PIPOX: variants seen among roughly 807,000 people sequenced by gnomAD.
PIPOX encodes the protein peroxisomal sarcosine oxidase.
Under a neutral mutation model 47.9 loss-of-function variants are expected in PIPOX, and 45 were observed. The ratio of observed to expected loss-of-function variants is 0.94; its 90% CI spans 0.74 to 1.20. The LOEUF (loss-of-function observed/expected upper bound fraction) is 1.20, where lower values mean the gene tolerates loss of function less well. PIPOX is among the 50% of genes most tolerant of loss of function. The probability of loss-of-function intolerance (pLI) is 0.00; values close to 1 mark genes in which losing one functional copy is unlikely to be tolerated. For missense variants in PIPOX, 458 were observed against 498.4 expected, an observed-to-expected ratio of 0.92 and a Z score of 0.77; for synonymous variants, 165 against 191.3, an observed-to-expected ratio of 0.86 and a Z score of 1.13.
intron 7 of PIPOX, 25 bp from the exon 8 acceptor site, chr17:29,056,150 T>C (rs1483611257): frequency 6.2e-7 from 1 of 1,613,756 alleles, no homozygotes; most frequent in Non-Finnish European, 8.5e-7. Context: ...TGAAGCTGCC[T>C]GAGAGTCTGC....
In PIPOX at chr17:29,054,651, T is replaced by C. The variant is rs1253106469; in HGVS notation, c.767T>C (p.Ile256Thr). 1 of 1,614,180 alleles carries C rather than the reference T, an allele frequency of 6.2e-7. No homozygotes were observed. Among genetic ancestry groups the C allele is most frequent in the Non-Finnish European group, 8.5e-7 (1 of 1,180,022 alleles). ...TGGCTGGGCTTGTGTCCCCACCACA[T>C]CTACGGACTGCCCACAGGAGAGTAC... ...FLWLGLCPHHIYGLPTGEYPG... is the reference protein window; with the variant it reads ...FLWLGLCPHHTYGLPTGEYPG... Residue 256 changes from isoleucine to threonine, a missense_variant, in exon 5 of 8, where the codon ATC (isoleucine) becomes ACC (threonine). Physicochemically the swap from Ile to Thr is moderately conservative, Grantham distance 89. Transcript: ENST00000323372.
chr17:29,045,170 C>T (rs765328825), intron 2 of PIPOX, among the ~76,000 whole-genome samples, 163 bp downstream of exon 2: 2 of 152,192 alleles, frequency 1.3e-5, no homozygotes, highest in Non-Finnish European at 2.9e-5. Context: ...ATGGTGGTCA[C>T]CCCACAGGTC....
At position 29,052,948 on chromosome 17, in the gene PIPOX, A is replaced by G. The variant is rs371667249; in HGVS notation, c.292A>G (p.Lys98Glu). 80 of 1,614,094 alleles carry G rather than the reference A, an allele frequency of 5.0e-5. 1 individual carries two copies. The highest frequency in any genetic ancestry group is 6.4e-5 in the Non-Finnish European group (75 of 1,180,032). Residue 98 changes from lysine (K) to glutamate (E), a missense_variant, in exon 3 of 8, where the codon AAA becomes GAA. Physicochemically the swap from Lys to Glu is moderately conservative, Grantham distance 56. Coordinates refer to ENST00000323372, the MANE Select transcript of PIPOX (RefSeq NM_016518.3). ...GACTGGATTACTGCTGCTGGGAATGAAAGAGAATCAAGAATTAAAGACAAT... is the reference window on the plus strand; with the variant it reads ...GACTGGATTACTGCTGCTGGGAATGGAAGAGAATCAAGAATTAAAGACAAT... ...RQTGLLLLGM[K>E]ENQELKTIQA...
At chr17:29,046,743 G>A in intron 2 of PIPOX, 1 of 985,316 alleles carries the variant, frequency 1.0e-6, no homozygotes, top group Middle Eastern at 5.2e-4. Flanking sequence ...CCTCCTCTTT[G>A]CCAGGAGGAC....
rs766457432 is a variant in PIPOX, at chr17:29,053,170, C to A, written c.477+37C>A. On this transcript the variant is annotated intron_variant, in intron 3 of 7. Coordinates refer to ENST00000323372, the MANE Select transcript of PIPOX (RefSeq NM_016518.3). ...TAGCACTGGGGCGATGCAGGTGCTC[C>A]CTGCTCTGGGTGTCCTGGGTCCCAA... The A allele has an allele frequency of 2.5e-6, 4 of 1,572,124 alleles. 1 individual carries two copies. In the African/African-American group the frequency reaches 4.1e-5, roughly 16 times the overall value.
Position 29,053,130 on chromosome 17 carries a change from G to A in PIPOX, c.474G>A (p.Leu158=). ...VIYAYKALRA[L]QDAIRQLGGI... ...ATGCATATAAGGCCCTCAGAGCCCT[G>A]CAGGTAATGTCGTATAGCACTGGGG... The change falls in exon 3 of 8, where the codon CTG becomes CTA. Residue 158 remains leucine (L), a synonymous_variant. Coordinates refer to ENST00000323372, the MANE Select transcript of PIPOX (RefSeq NM_016518.3). The A allele has an allele frequency of 6.2e-7, 1 of 1,613,726 alleles. No individual in the cohort carries two copies. Among genetic ancestry groups the A allele is most frequent in the Non-Finnish European group, 8.5e-7 (1 of 1,179,720 alleles).
intron 5 of PIPOX, 22 bp downstream of exon 5, chr17:29,054,713 A>C: frequency 6.2e-7 from 1 of 1,610,398 alleles, no homozygotes; most frequent in Non-Finnish European, 8.5e-7. Context: ...GACCGAGATA[A>C]GGCAGGTAGA....
chr17:29,051,086 A>T (rs370973160), intron 2 of PIPOX, among the ~76,000 whole-genome samples: 1 of 151,950 alleles, frequency 6.6e-6, no homozygotes, highest in East Asian at 1.9e-4. Context: ...GCACCACTGC[A>T]CTCCAGCCTG....
intron 1 of PIPOX, 45 bp downstream of exon 1, chr17:29,043,384 C>A: frequency 7.2e-7 from 1 of 1,382,794 alleles, no homozygotes; most frequent in Non-Finnish European, 1.0e-6. Context: ...ACTGTCCTAC[C>A]CTCCTCCCCT....
At chr17:29,055,940 GC>G in intron 7 of PIPOX, 52 bp downstream of exon 7, 1 of 1,506,480 alleles carries the variant, frequency 6.6e-7, no homozygotes, top group Non-Finnish European at 9.2e-7. Flanking sequence ...CTACCTCAGT[GC>G]CAGGTGAAAT....
intron 2 of PIPOX, chr17:29,052,125 C>A: frequency 2.2e-6 from 1 of 445,176 alleles, no homozygotes. Context: ...GAATGAGAGA[C>A]AGAGACAGAC....
intron 1 of PIPOX, 41 bp from the exon 2 acceptor site, chr17:29,044,818 G>C (rs751089483): frequency 1.3e-6 from 2 of 1,584,786 alleles, no homozygotes; most frequent in Admixed American, 3.5e-5. Flanking sequence ...GCAGTGTGAG[G>C]GGTAATGGCT....
rs373640176 is a variant in PIPOX at position 29,043,214 on chromosome 17, C to T, written c.-12C>T. The T allele has an allele frequency of 7.8e-5, 125 of 1,599,744 alleles. No individual in the cohort carries two copies. In the Middle Eastern group the frequency reaches 1.0e-3, roughly 13 times the overall value. ...CCTTTGAGGCTCTGTGGCTGTGGGGCTGAGTGGCATCATGGCGGCTCAGAA... is the reference window on the plus strand; with the variant it reads ...CCTTTGAGGCTCTGTGGCTGTGGGGTTGAGTGGCATCATGGCGGCTCAGAA... On this transcript the variant is annotated 5_prime_UTR_variant, in exon 1 of 8. Transcript: ENST00000323372.
In PIPOX at chr17:29,056,306, C is replaced by T. The variant is rs574544512; in HGVS notation, c.*1C>T. 1.9e-6 allele frequency: 3 copies of T among 1,614,202 alleles called. No individual in the cohort carries two copies. Among genetic ancestry groups the T allele is most frequent in the East Asian group, 2.2e-5 (1 of 44,884 alleles). On this transcript the variant is annotated 3_prime_UTR_variant, in exon 8 of 8. Transcript: ENST00000323372. The stretch of plus-strand genomic sequence containing the variant: ...AAGCCTGGGCAAAGCCCACCTTTGA[C>T]CTCTGGCCAGAAGCCTCCCTTCTGT...
Position 29,056,189 on chromosome 17 carries a change from C to T in PIPOX, c.1057C>T (p.Leu353=). 1 of 1,614,188 alleles carries T rather than the reference C, an allele frequency of 6.2e-7. No individual in the cohort carries two copies. Among genetic ancestry groups the T allele is most frequent in the Non-Finnish European group, 8.5e-7 (1 of 1,180,016 alleles). Residue 353 remains leucine (L), a synonymous_variant, in exon 8 of 8, where the codon CTG becomes TTG. Transcript: ENST00000323372. ...TCCCTTCCTAGGGCACGGGTTCAAG[C>T]TGGCCCCTGTGGTGGGGAAGATCCT... ...GAGFSGHGFK[L]APVVGKILYE... is the part of the protein sequence containing the mutation.
intron 2 of PIPOX, among the ~76,000 whole-genome samples, chr17:29,049,745 G>A (rs967996340): frequency 3.3e-5 from 5 of 152,170 alleles, no homozygotes; most frequent in African/African-American, 9.7e-5. Flanking sequence ...AGCAGCGCAC[G>A]GTTTCCCTCA....
At chr17:29,055,333 G>A in intron 6 of PIPOX, 112 bp downstream of exon 6, 1 of 1,269,190 alleles carries the variant, frequency 7.9e-7, no homozygotes, top group Non-Finnish European at 1.1e-6. Flanking sequence ...CATAGTGTGT[G>A]ACTTTAAACA....
intron 2 of PIPOX, among the ~76,000 whole-genome samples, chr17:29,049,873 A>G (rs568250461): frequency 3.3e-5 from 5 of 152,314 alleles, no homozygotes; most frequent in African/African-American, 1.2e-4. Flanking sequence ...TTATATCAAT[A>G]TCTGGGCTAA....
rs916184729 is a variant in PIPOX, at chr17:29,057,129, G to C, written c.*824G>C. ...TGGAGTTCCTTCTCCTAAAGCTAAG[G>C]CCAGCCTCCATCACAAATGCCCATA... On this transcript the variant is annotated 3_prime_UTR_variant, in exon 8 of 8. Transcript: ENST00000323372. 1.3e-5 allele frequency: 2 copies of C among 152,134 alleles called. No individual in the cohort carries two copies. Among genetic ancestry groups the C allele is most frequent in the African/African-American group, 4.8e-5 (2 of 41,412 alleles). 9.4% of individuals were successfully genotyped at this position (152,134 alleles called of 1,614,324 possible). A position where few individuals can be genotyped will look rare whatever the true frequency, so the allele number is the denominator to read the frequency against.
Sources: gnomAD v4.1 joint callset for allele counts (sites outside exome capture counted in the v4.1 genomes callset) on GRCh38, gnomAD v4.1.1 for gene constraint, MANE v1.5 for transcripts, NCBI Gene and HGNC (gene_info 2026-07-23, HGNC 2026-07-21) for gene names.